MOCOS: variants seen among roughly 807,000 people sequenced by gnomAD.
MOCOS encodes human molybdenum cofactor sulfurase.
A neutral mutation model predicts 83.6 loss-of-function variants in MOCOS; 86 were observed. The observed-to-expected ratio is 1.03, with a 90% CI of 0.86 to 1.23. MOCOS has a LOEUF of 1.23. Ranked by LOEUF, MOCOS falls within the 50% of genes most tolerant of loss-of-function variation. MOCOS has a pLI of 0.00. For synonymous variants in MOCOS, 445 were observed against 434.7 expected (o/e 1.02, Z -0.29); for missense variants, 1,120 against 1,126.9 (o/e 0.99, Z 0.09).
At chr18:36,205,746 A>G (rs534129619) in intron 6 of MOCOS, among the ~76,000 whole-genome samples, 15 of 151,972 alleles carry the variant, frequency 9.9e-5, no homozygotes, top group African/African-American at 2.9e-4. Flanking sequence ...CCCCATTTTT[A>G]TTTATTTTTT....
intron 9 of MOCOS, among the ~76,000 whole-genome samples, chr18:36,235,849 T>A (rs566448484): frequency 4.0e-5 from 6 of 150,264 alleles, no homozygotes; most frequent in African/African-American, 1.2e-4. Flanking sequence ...GGTATCTCAT[T>A]GTGGTTTTGA....
chr18:36,262,439 A>G (rs1454148971), intron 13 of MOCOS, among the ~76,000 whole-genome samples: 1 of 152,118 alleles, frequency 6.6e-6, no homozygotes, highest in Non-Finnish European at 1.5e-5. Flanking sequence ...CAGTCAATCA[A>G]TAATAGCTAT....
chr18:36,212,768 C>T (rs1568053761), intron 6 of MOCOS, among the ~76,000 whole-genome samples: 1 of 152,204 alleles, frequency 6.6e-6, no homozygotes, highest in Non-Finnish European at 1.5e-5. Flanking sequence ...GCTCACTCAG[C>T]TGAGCAAGAT....
At chr18:36,223,815 C>T (rs920672917) in intron 9 of MOCOS, among the ~76,000 whole-genome samples, 3 of 151,924 alleles carry the variant, frequency 2.0e-5, no homozygotes, top group African/African-American at 4.8e-5. Flanking sequence ...AGTATTTCAC[C>T]TCCTTAGATA....
intron 1 of MOCOS, among the ~76,000 whole-genome samples, chr18:36,194,778 T>G (rs2091380741): frequency 6.6e-6 from 1 of 152,218 alleles, no homozygotes; most frequent in African/African-American, 2.4e-5. Context: ...TAAATTTGCA[T>G]TTCTCTCAGA....
At chr18:36,242,884 T>A (rs181630946) in intron 9 of MOCOS, among the ~76,000 whole-genome samples, 1 of 152,348 alleles carries the variant, frequency 6.6e-6, no homozygotes, top group East Asian at 1.9e-4. Flanking sequence ...GAGATTTGGA[T>A]GGGGACATAG....
rs1430242243 is a variant in MOCOS at position 36,187,608 on chromosome 18, AC to A, written c.71del (p.Pro24ArgfsTer3). On this transcript the variant is annotated frameshift_variant, in exon 1 of 15. Transcript: ENST00000261326. LOFTEE classifies it high-confidence loss of function. ...TFAGSRDPSAPRLAYGYGPGS... is the reference protein window; with the variant it reads ...TFAGSRDPSAXRLAYGYGPGS... Reference sequence around the variant, plus strand: ...TCGCGGGTTCCCGGGACCCGAGCGCACCGCGGCTAGCCTACGGCTACGGCCC... The same window carrying A: ...TCGCGGGTTCCCGGGACCCGAGCGCACGCGGCTAGCCTACGGCTACGGCCC... 1.6e-6 allele frequency: 2 copies of A among 1,249,682 alleles called. No individual in the cohort carries two copies. The highest frequency in any genetic ancestry group is 2.0e-6 in the Non-Finnish European group (2 of 996,796). 77.4% of individuals were successfully genotyped at this position (1,249,682 alleles called of 1,614,324 possible). A position where few individuals can be genotyped will look rare whatever the true frequency, so the allele number is the denominator to read the frequency against.
At chr18:36,268,181 A>G (rs536337647) in intron 14 of MOCOS, among the ~76,000 whole-genome samples, 3 of 152,334 alleles carry the variant, frequency 2.0e-5, no homozygotes, top group Admixed American at 2.0e-4. Flanking sequence ...AAAGGCTTTT[A>G]CATCAGGCAG....
intron 4 of MOCOS, among the ~76,000 whole-genome samples, chr18:36,201,873 G>GA (rs2091416400): frequency 1.3e-5 from 2 of 151,988 alleles, no homozygotes; most frequent in Admixed American, 1.3e-4. Flanking sequence ...AATCAAATGA[G>GA]AAAAGAATGA....
intron 6 of MOCOS, 93 bp from the exon 7 acceptor site, chr18:36,213,273 A>C (rs1420722367): frequency 1.1e-6 from 1 of 934,348 alleles, no homozygotes; most frequent in African/African-American, 1.6e-5. Flanking sequence ...TCATTTTATT[A>C]TTAGGAAAGA....
Position 36,266,788 on chromosome 18 carries a change from G to T in MOCOS, c.2449G>T (p.Asp817Tyr). 1.2e-6 allele frequency: 2 copies of T among 1,613,996 alleles called. No individual in the cohort carries two copies. Among genetic ancestry groups the T allele is most frequent in the South Asian group, 1.1e-5 (1 of 91,056 alleles). The stretch of plus-strand genomic sequence containing the variant: ...TCACAGATGCCAGATGATTTGCATC[G>T]ACCAGCAAACTGGGCAACGAAACCA... ...PCHRCQMICIDQQTGQRNQHV... is the reference protein window; with the variant it reads ...PCHRCQMICIYQQTGQRNQHV... Residue 817 changes from aspartate (D) to tyrosine (Y), a missense_variant, in exon 14 of 15, where the codon GAC (aspartate) becomes TAC (tyrosine). Asp to Tyr is a radical substitution (Grantham distance 160). Coordinates refer to ENST00000261326, the MANE Select transcript of MOCOS (RefSeq NM_017947.4).
intron 9 of MOCOS, among the ~76,000 whole-genome samples, chr18:36,240,886 A>T (rs2091579601): frequency 6.6e-6 from 1 of 152,092 alleles, no homozygotes. Context: ...GGTGGGAATG[A>T]CCCGATTCTC....
intron 9 of MOCOS, among the ~76,000 whole-genome samples, chr18:36,247,718 C>CCTT (rs35646219): frequency 6.6e-6 from 1 of 152,152 alleles, no homozygotes; most frequent in East Asian, 1.9e-4. Flanking sequence ...CAACTTCTCA[C>CCTT]CTTCTCACAC....
intron 13 of MOCOS, among the ~76,000 whole-genome samples, chr18:36,265,534 T>A (rs777066015): frequency 2.0e-5 from 3 of 152,132 alleles, no homozygotes; most frequent in Non-Finnish European, 4.4e-5. Context: ...TATGAGAAAA[T>A]AGTTTTAAGA....
chr18:36,213,744 C>A (rs564377387), intron 7 of MOCOS, among the ~76,000 whole-genome samples: 63 of 151,792 alleles, frequency 4.2e-4, no homozygotes, highest in Admixed American at 1.3e-3. Flanking sequence ...GCCTGGCCAA[C>A]ATGGTGAAAC....
In MOCOS at chr18:36,266,851, A is replaced by G. The variant is rs1285648646; in HGVS notation, c.2512A>G (p.Lys838Glu). 1.2e-6 allele frequency: 2 copies of G among 1,613,140 alleles called. No homozygotes were observed. The highest frequency in any genetic ancestry group is 1.7e-6 in the Non-Finnish European group (2 of 1,179,240). ...AAAACTTTCTGAGAGTCGTGAAACA[A>G]AGGTAAGCGTGATTGCAAAATATGA... is the stretch of plus-strand genomic sequence containing the variant. ...FQKLSESRETKVNFGMYLMHA... is the reference protein window; with the variant it reads ...FQKLSESRETEVNFGMYLMHA... The change falls in exon 14 of 15, where the codon AAG (lysine) becomes GAG (glutamate). Residue 838 changes from lysine (K) to glutamate (E), a missense_variant and splice_region_variant. Transcript: ENST00000261326.
chr18:36,216,601 C>A (rs2091476962), intron 8 of MOCOS, among the ~76,000 whole-genome samples: 1 of 152,162 alleles, frequency 6.6e-6, no homozygotes, highest in South Asian at 2.1e-4. Context: ...ACTAATAAAT[C>A]AATGATAGAA....
intron 11 of MOCOS, among the ~76,000 whole-genome samples, chr18:36,254,706 A>G (rs1050654340): frequency 6.6e-6 from 1 of 151,640 alleles, no homozygotes; most frequent in Non-Finnish European, 1.5e-5. Flanking sequence ...CCATGCCCTC[A>G]ACAGAATTTT....
chr18:36,236,878 T>G (rs2091561341), intron 9 of MOCOS, among the ~76,000 whole-genome samples: 1 of 151,104 alleles, frequency 6.6e-6, no homozygotes, highest in Non-Finnish European at 1.5e-5. Flanking sequence ...CTAGGTATTT[T>G]ATTCTCTTTG....
Sources: allele counts gnomAD v4.1 joint callset (sites outside exome capture counted in the v4.1 genomes callset), GRCh38; gene constraint gnomAD v4.1.1; transcripts MANE v1.5; gene names NCBI Gene and HGNC (gene_info 2026-07-23, HGNC 2026-07-21).